The following RBMS3 variants were observed in gnomAD, a reference collection of about 807,000 sequenced individuals.
The protein encoded by RBMS3 is RNA-binding motif, single-stranded-interacting protein 3.
RBMS3 carries 27 observed loss-of-function variants against 66.8 expected under a neutral mutation model. The ratio of observed to expected loss-of-function variants is 0.40; its 90% CI spans 0.30 to 0.56. The LOEUF is 0.56. Ranked by LOEUF, RBMS3 falls within the 20% of genes least tolerant of loss-of-function variation. RBMS3 has a pLI of 0.40. For synonymous variants in RBMS3, 188 were observed against 183.0 expected, an observed-to-expected ratio of 1.03 and a Z score of -0.22; for missense variants, 513 against 549.5, an observed-to-expected ratio of 0.93 and a Z score of 0.66.
intron 2 of RBMS3, among the ~76,000 whole-genome samples, chr3:29,468,603 C>G (rs1446900325): frequency 1.3e-5 from 2 of 152,080 alleles, no homozygotes; most frequent in African/African-American, 4.8e-5. Flanking sequence ...AATTTTGTCT[C>G]TGTATTAACA....
At chr3:29,404,941 A>G (rs1480497134) in intron 1 of RBMS3, among the ~76,000 whole-genome samples, 7 of 152,178 alleles carry the variant, frequency 4.6e-5, no homozygotes, top group African/African-American at 1.4e-4. Flanking sequence ...TTATAAAGCC[A>G]GACTGCTCTT....
At chr3:29,847,643 TTA>T (rs1157258852) in intron 6 of RBMS3, among the ~76,000 whole-genome samples, 4 of 148,454 alleles carry the variant, frequency 2.7e-5, no homozygotes, top group Admixed American at 2.6e-4. Context: ...ATTTTGTGTT[TTA>T]TTTTTTTTTT....
At chr3:29,703,509 C>T (rs986798237) in intron 4 of RBMS3, among the ~76,000 whole-genome samples, 3 of 152,174 alleles carry the variant, frequency 2.0e-5, no homozygotes, top group African/African-American at 7.2e-5. Context: ...TATCTTAGTA[C>T]ATGTAGGTTC....
chr3:29,380,782 G>A (rs1210176934), intron 1 of RBMS3, among the ~76,000 whole-genome samples: 1 of 152,150 alleles, frequency 6.6e-6, no homozygotes, highest in Non-Finnish European at 1.5e-5. Context: ...ACAGAAACTG[G>A]AAGTAAATGT....
chr3:29,470,004 TATA>T (rs1191398644), intron 2 of RBMS3, among the ~76,000 whole-genome samples: 3 of 147,500 alleles, frequency 2.0e-5, no homozygotes, highest in Non-Finnish European at 4.5e-5. Flanking sequence ...TATAAAATTA[TATA>T]ATATGTAATT....
At chr3:29,955,638 A>C (rs1695983729) in intron 12 of RBMS3, among the ~76,000 whole-genome samples, 1 of 152,040 alleles carries the variant, frequency 6.6e-6, no homozygotes, top group Non-Finnish European at 1.5e-5. Flanking sequence ...TGTGAAGGAC[A>C]CTATAATAAA....
intron 4 of RBMS3, among the ~76,000 whole-genome samples, chr3:29,625,292 C>A (rs1008234191): frequency 6.6e-6 from 1 of 151,916 alleles, no homozygotes; most frequent in Non-Finnish European, 1.5e-5. Flanking sequence ...TTACTTACCA[C>A]AGTTATTTTT....
At chr3:29,882,710 TC>T (rs1237396198) in intron 7 of RBMS3, among the ~76,000 whole-genome samples, 1 of 152,112 alleles carries the variant, frequency 6.6e-6, no homozygotes, top group Non-Finnish European at 1.5e-5. Context: ...TTGAGAATTT[TC>T]ATGTCAATTA....
intron 2 of RBMS3, among the ~76,000 whole-genome samples, chr3:29,469,468 A>G (rs1323704619): frequency 2.0e-5 from 3 of 152,162 alleles, no homozygotes; most frequent in Admixed American, 2.0e-4. Flanking sequence ...GTGAAAACAG[A>G]TGGGAGATAG....
At chr3:29,821,494 C>T (rs1576909346) in intron 6 of RBMS3, among the ~76,000 whole-genome samples, 1 of 152,230 alleles carries the variant, frequency 6.6e-6, no homozygotes, top group East Asian at 1.9e-4. Context: ...GTTATACAAG[C>T]AAAGCTGACA....
chr3:29,959,344 A>C (rs887568715), intron 12 of RBMS3, among the ~76,000 whole-genome samples: 4 of 152,204 alleles, frequency 2.6e-5, no homozygotes, highest in African/African-American at 9.6e-5. Flanking sequence ...ATCCCAGTCT[A>C]GCAGCACAGC....
intron 4 of RBMS3, among the ~76,000 whole-genome samples, chr3:29,694,302 T>C (rs1371048657): frequency 1.3e-5 from 2 of 152,212 alleles, no homozygotes; most frequent in African/African-American, 2.4e-5. Context: ...TTCTCTTTCA[T>C]TTCCAACTTA....
At chr3:29,411,981 TTTAAA>T (rs753801556) in intron 1 of RBMS3, among the ~76,000 whole-genome samples, 5 of 152,236 alleles carry the variant, frequency 3.3e-5, no homozygotes, top group Non-Finnish European at 7.3e-5. Flanking sequence ...TTTGAACTTA[TTTAAA>T]TTAAGACTTT....
intron 3 of RBMS3, among the ~76,000 whole-genome samples, chr3:29,559,718 C>A (rs930762785): frequency 6.6e-6 from 1 of 151,868 alleles, no homozygotes; most frequent in African/African-American, 2.4e-5. Context: ...AGTTAGCCAC[C>A]AATTTGCATT....
At chr3:29,939,192 C>A (rs1294979206) in intron 11 of RBMS3, among the ~76,000 whole-genome samples, 2 of 151,892 alleles carry the variant, frequency 1.3e-5, no homozygotes, top group East Asian at 3.9e-4. Context: ...AGAGTCCAGC[C>A]AAGTCATATT....
intron 3 of RBMS3, among the ~76,000 whole-genome samples, chr3:29,547,140 A>G (rs776694546): frequency 1.1e-4 from 16 of 151,996 alleles, no homozygotes; most frequent in Non-Finnish European, 2.4e-4. Context: ...TACCTGGCTA[A>G]TTTTTGTAGA....
intron 1 of RBMS3, among the ~76,000 whole-genome samples, chr3:29,378,521 T>C (rs2038603411): frequency 2.0e-5 from 3 of 150,494 alleles, no homozygotes; most frequent in African/African-American, 7.3e-5. Flanking sequence ...GTCTATTTCA[T>C]AGAGGTATTG....
intron 12 of RBMS3, among the ~76,000 whole-genome samples, chr3:29,951,982 C>T (rs1202512436): frequency 6.6e-6 from 1 of 151,754 alleles, no homozygotes; most frequent in Non-Finnish European, 1.5e-5. Context: ...TATTTCTAAA[C>T]TTCTTGAAAT....
chr3:29,460,610 A>T (rs2042340628), intron 2 of RBMS3, among the ~76,000 whole-genome samples: 1 of 152,250 alleles, frequency 6.6e-6, no homozygotes, highest in Admixed American at 6.5e-5. Flanking sequence ...AGCTTACATA[A>T]GAGCTGAGCT....
Sources: gnomAD v4.1 joint callset for allele counts (sites outside exome capture counted in the v4.1 genomes callset) on GRCh38, gnomAD v4.1.1 for gene constraint, MANE v1.5 for transcripts, NCBI Gene and HGNC (gene_info 2026-07-23, HGNC 2026-07-21) for gene names.